TACSTD2: variants seen among roughly 807,000 people sequenced by gnomAD.
TACSTD2 encodes the protein tumor-associated calcium signal transducer 2.
Under a neutral mutation model 7.9 loss-of-function variants are expected in TACSTD2, and 6 were observed. That is an observed-to-expected ratio of 0.76 (90% CI 0.42 to 1.50). TACSTD2 has a LOEUF of 1.50. TACSTD2 is among the 40% of genes most tolerant of loss of function. TACSTD2 has a pLI of 0.01. For synonymous variants in TACSTD2, 220 were observed against 225.5 expected, an observed-to-expected ratio of 0.98 and a Z score of 0.22; for missense variants, 511 against 471.2, an observed-to-expected ratio of 1.08 and a Z score of -0.78.
Position 58,577,198 on chromosome 1 carries a change from C to A in TACSTD2, c.-42G>T. On this transcript the variant is annotated 5_prime_UTR_variant, in exon 1 of 1. Transcript: ENST00000371225. The stretch of plus-strand genomic sequence containing the variant: ...GCGGACCGGACGCGGGCGGATGAGG[C>A]GCGGGGACTCGTCGGGGCTCGGGCT... The A allele has an allele frequency of 7.5e-7, 1 of 1,330,822 alleles. No homozygotes were observed. The highest frequency in any genetic ancestry group is 9.5e-7 in the Non-Finnish European group (1 of 1,047,974). 82.4% of individuals were successfully genotyped at this position (1,330,822 alleles called of 1,614,324 possible).
Position 58,576,983 on chromosome 1 carries a change from C to G in TACSTD2, c.174G>C (p.Leu58=), listed in dbSNP as rs760045614. The G allele has an allele frequency of 3.2e-6, 5 of 1,575,428 alleles. No homozygotes were observed. The highest frequency in any genetic ancestry group is 2.7e-5 in the African/African-American group (2 of 74,236). The change falls in exon 1 of 1, where the codon CTG becomes CTC. Residue 58 remains leucine, a synonymous_variant. Coordinates refer to ENST00000371225, the MANE Select transcript of TACSTD2 (RefSeq NM_002353.3). The part of the protein sequence containing the change: ...GPGGRCQCRA[L]GSGMAVDCST... ...AGCAGTCGACCGCCATGCCCGAGCC[C>G]AGCGCGCGGCACTGGCAGCGGCCGC...
Position 58,576,448 on chromosome 1 carries a change from G to A in TACSTD2, c.709C>T (p.Gln237Ter), listed in dbSNP as rs1221933220. The A allele has an allele frequency of 6.2e-7, 1 of 1,613,804 alleles. No individual in the cohort carries two copies. Among genetic ancestry groups the A allele is most frequent in the African/African-American group, 1.3e-5 (1 of 74,940 alleles). Residue 237 changes from glutamine (Q) to a stop codon, truncating the protein, a stop_gained, in exon 1 of 1, where the codon CAG becomes TAG. Coordinates refer to ENST00000371225, the MANE Select transcript of TACSTD2 (RefSeq NM_002353.3). LOFTEE classifies it high-confidence loss of function. The part of the protein sequence containing the change: ...ERDIKGESLF[Q>*]GRGGLDLRVR... ...CGCAAGTCCAGGCCGCCGCGGCCCTGGAATAGAGACTCGCCCTTGATGTCC... is the reference window on the plus strand; with the variant it reads ...CGCAAGTCCAGGCCGCCGCGGCCCTAGAATAGAGACTCGCCCTTGATGTCC...
In TACSTD2 at chr1:58,576,019, G is replaced by A. The variant is rs7355042; in HGVS notation, c.*166C>T. 1,845 of 791,482 alleles carry A rather than the reference G, an allele frequency of 2.3e-3. 18 individuals are homozygous for A. The African/African-American group carries it at 0.026, about 11-fold the overall frequency. The allele number at this position is 791,482 out of a possible 1,614,324, so 49.0% of individuals were successfully genotyped here. ...AGTGAGAAAGAAAGGAGACCCTGAG[G>A]CCAGGATCTATTAAACCTGGTGTGT... On this transcript the variant is annotated 3_prime_UTR_variant, in exon 1 of 1. Transcript: ENST00000371225.
chr1:58,577,008 CCGGGGCCGT>C lies in TACSTD2; in HGVS notation c.140_148del (p.Asp47_Pro49del), dbSNP rs936464331. ...CAGCGCGCGGCACTGGCAGCGGCCG[CCGGGGCCGT>C]CGGGGCTGCACACGGTCATCTTGTT... On this transcript the variant is annotated inframe_deletion, in exon 1 of 1. Transcript: ENST00000371225. The C allele has an allele frequency of 1.6e-5, 25 of 1,562,322 alleles. No individual in the cohort carries two copies. The highest frequency in any genetic ancestry group is 1.9e-5 in the Non-Finnish European group (22 of 1,157,332).
rs780819073 is a variant in TACSTD2 at position 58,576,503 on chromosome 1, AT to A, written c.653del (p.Asp218ValfsTer53). 6.2e-6 allele frequency: 10 copies of A among 1,613,078 alleles called. No homozygotes were observed. Among genetic ancestry groups the A allele is most frequent in the African/African-American group, 2.7e-5 (2 of 74,912 alleles). ...CGAAGTAGTAGGCGGCATCGCCGAT[AT>A]CCACGTCACCGGCGGCCTTCTGAGA... Reference protein sequence around the residue: ...NTSQKAAGDVDIGDAAYYFER... With the variant: ...NTSQKAAGDVXIGDAAYYFER... On this transcript the variant is annotated frameshift_variant, in exon 1 of 1. Coordinates refer to ENST00000371225, the MANE Select transcript of TACSTD2 (RefSeq NM_002353.3). LOFTEE classifies it low-confidence loss of function (END_TRUNC).
chr1:58,576,161 C>G lies in TACSTD2; in HGVS notation c.*24G>C. The G allele has an allele frequency of 6.2e-7, 1 of 1,610,866 alleles. No homozygotes were observed. Among genetic ancestry groups the G allele is most frequent in the Non-Finnish European group, 8.5e-7 (1 of 1,178,716 alleles). ...ACGATACCGAAATCCGGTACCCCAC[C>G]CCATCCCCTGCCCCGCCGGGTACCT... is the stretch of plus-strand genomic sequence containing the variant. On this transcript the variant is annotated 3_prime_UTR_variant, in exon 1 of 1. Transcript: ENST00000371225.
chr1:58,576,156 C>T lies in TACSTD2; in HGVS notation c.*29G>A, dbSNP rs765560573. 1 of 1,608,616 alleles carries T rather than the reference C, an allele frequency of 6.2e-7. No homozygotes were observed. The highest frequency in any genetic ancestry group is 8.5e-7 in the Non-Finnish European group (1 of 1,177,736). ...CTGGGACGATACCGAAATCCGGTAC[C>T]CCACCCCATCCCCTGCCCCGCCGGG... On this transcript the variant is annotated 3_prime_UTR_variant, in exon 1 of 1. Coordinates refer to ENST00000371225, the MANE Select transcript of TACSTD2 (RefSeq NM_002353.3).
In TACSTD2 at chr1:58,576,431, C is replaced by T. The variant is rs1185724868; in HGVS notation, c.726G>A (p.Leu242=). Residue 242 remains leucine, a synonymous_variant, in exon 1 of 1, where the codon CTG becomes CTA. Transcript: ENST00000371225. ...GGGGTTCTCCGCGCACGCGCAAGTC[C>T]AGGCCGCCGCGGCCCTGGAATAGAG... ...GESLFQGRGG[L]DLRVRGEPLQ... The T allele has an allele frequency of 5.0e-6, 8 of 1,613,796 alleles. No individual in the cohort carries two copies. The highest frequency in any genetic ancestry group is 6.8e-6 in the Non-Finnish European group (8 of 1,179,924).
At position 58,575,983 on chromosome 1, in the gene TACSTD2, T is replaced by C. The variant is rs41313363; in HGVS notation, c.*202A>G. On this transcript the variant is annotated 3_prime_UTR_variant, in exon 1 of 1. Coordinates refer to ENST00000371225, the MANE Select transcript of TACSTD2 (RefSeq NM_002353.3). Reference sequence around the variant, plus strand: ...GGGGATACATTTTAGAAATGCTTCCTTCAAGACAGAAGTGAGAAAGAAAGG... The same window carrying C: ...GGGGATACATTTTAGAAATGCTTCCCTCAAGACAGAAGTGAGAAAGAAAGG... 0.15 allele frequency: 103,406 copies of C among 668,470 alleles called. 8,508 individuals are homozygous for C. The highest frequency in any genetic ancestry group is 0.17 in the Non-Finnish European group (70,887 of 405,546). 41.4% of individuals were successfully genotyped at this position (668,470 alleles called of 1,614,324 possible). A position where few individuals can be genotyped will look rare whatever the true frequency, so the allele number is the denominator to read the frequency against.
chr1:58,575,963 T>C lies in TACSTD2; in HGVS notation c.*222A>G, dbSNP rs986385991. The stretch of plus-strand genomic sequence containing the variant: ...TTCCTGTTGTTGGACCGAAAGGGGA[T>C]ACATTTTAGAAATGCTTCCTTCAAG... On this transcript the variant is annotated 3_prime_UTR_variant, in exon 1 of 1. Coordinates refer to ENST00000371225, the MANE Select transcript of TACSTD2 (RefSeq NM_002353.3). 3.3e-6 allele frequency: 2 copies of C among 602,736 alleles called. No individual in the cohort carries two copies. Among genetic ancestry groups the C allele is most frequent in the African/African-American group, 3.7e-5 (2 of 53,920 alleles). 37.3% of individuals were successfully genotyped at this position (602,736 alleles called of 1,614,324 possible).
chr1:58,576,694 G>T lies in TACSTD2; in HGVS notation c.463C>A (p.Leu155Ile). ...CDELVRTHHI[L>I]IDLRHRPTAG... ...GTGGGGCGGTGGCGCAGGTCAATGA[G>T]GATGTGGTGGGTGCGCACCAGCTCA... is the stretch of plus-strand genomic sequence containing the variant. The change falls in exon 1 of 1, where the codon CTC becomes ATC. Residue 155 changes from leucine (L) to isoleucine (I), a missense_variant. Leu to Ile is a conservative substitution (Grantham distance 5). Transcript: ENST00000371225. The T allele has an allele frequency of 6.2e-7, 1 of 1,601,918 alleles. No homozygotes were observed. The highest frequency in any genetic ancestry group is 8.5e-7 in the Non-Finnish European group (1 of 1,178,804).
In TACSTD2 at chr1:58,576,461, G is replaced by A. The variant is rs1188253978; in HGVS notation, c.696C>T (p.Gly232=). The A allele has an allele frequency of 1.9e-6, 3 of 1,613,734 alleles. No homozygotes were observed. Among genetic ancestry groups the A allele is most frequent in the Admixed American group, 3.3e-5 (2 of 59,986 alleles). ...AAYYFERDIK[G]ESLFQGRGGL... ...CGCCGCGGCCCTGGAATAGAGACTC[G>A]CCCTTGATGTCCCTCTCGAAGTAGT... is the stretch of plus-strand genomic sequence containing the variant. The change falls in exon 1 of 1, where the codon GGC becomes GGT. Residue 232 remains glycine, a synonymous_variant. Coordinates refer to ENST00000371225, the MANE Select transcript of TACSTD2 (RefSeq NM_002353.3).
Position 58,575,981 on chromosome 1 carries a change from C to G in TACSTD2, c.*204G>C. 1.5e-6 allele frequency: 1 copy of G among 646,862 alleles called. No homozygotes were observed. The highest frequency in any genetic ancestry group is 2.6e-6 in the Non-Finnish European group (1 of 389,356). 40.1% of individuals were successfully genotyped at this position (646,862 alleles called of 1,614,324 possible). On this transcript the variant is annotated 3_prime_UTR_variant, in exon 1 of 1. Coordinates refer to ENST00000371225, the MANE Select transcript of TACSTD2 (RefSeq NM_002353.3). ...AAGGGGATACATTTTAGAAATGCTT[C>G]CTTCAAGACAGAAGTGAGAAAGAAA...
chr1:58,576,300 AC>A lies in TACSTD2; in HGVS notation c.856del (p.Val286TrpfsTer11), dbSNP rs749879437. 6.2e-7 allele frequency: 1 copy of A among 1,613,292 alleles called. No individual in the cohort carries two copies. Among genetic ancestry groups the A allele is most frequent in the South Asian group, 1.1e-5 (1 of 90,926 alleles). Reference protein sequence around the residue: ...GLIAVIVVVVVALVAGMAVLV... With the variant: ...GLIAVIVVVVXALVAGMAVLV... Reference sequence around the variant, plus strand: ...GACGGCCATGCCGGCGACGAGGGCCACCACGACCACCACGATGACGGCGATG... The same window carrying A: ...GACGGCCATGCCGGCGACGAGGGCCACACGACCACCACGATGACGGCGATG... On this transcript the variant is annotated frameshift_variant, in exon 1 of 1. Coordinates refer to ENST00000371225, the MANE Select transcript of TACSTD2 (RefSeq NM_002353.3). LOFTEE classifies it high-confidence loss of function.
chr1:58,577,124 C>A lies in TACSTD2; in HGVS notation c.33G>T (p.Pro11=). Residue 11 remains proline (P), a synonymous_variant, in exon 1 of 1, where the codon CCG becomes CCT. Transcript: ENST00000371225. MARGPGLAPP[P]LRLPLLLLVL... ...CCAGCAGCAGCAGCGGCAGCCGCAG[C>A]GGTGGCGGCGCGAGGCCGGGGCCCC... is the stretch of plus-strand genomic sequence containing the variant. The A allele has an allele frequency of 1.4e-6, 2 of 1,402,854 alleles. No individual in the cohort carries two copies. Among genetic ancestry groups the A allele is most frequent in the South Asian group, 1.6e-5 (1 of 62,600 alleles). The allele number at this position is 1,402,854 out of a possible 1,614,324, so 86.9% of individuals were successfully genotyped here.
rs559053209 is a variant in TACSTD2, at chr1:58,576,609, C to A, written c.548G>T (p.Arg183Leu). ...DAELRRLFRE[R>L]YRLHPKFVAA... ...CACGAACTTGGGGTGCAGCCGATAG[C>A]GCTCGCGGAAGAGCCGCCTCAGCTC... Residue 183 changes from arginine to leucine, a missense_variant, in exon 1 of 1, where the codon CGC becomes CTC. Transcript: ENST00000371225. 2 of 1,611,782 alleles carry A rather than the reference C, an allele frequency of 1.2e-6. No individual in the cohort carries two copies. The highest frequency in any genetic ancestry group is 1.7e-6 in the Non-Finnish European group (2 of 1,179,304).
rs769459575 is a variant in TACSTD2, at chr1:58,576,501, A to G, written c.656T>C (p.Ile219Thr). ...CTCGAAGTAGTAGGCGGCATCGCCG[A>G]TATCCACGTCACCGGCGGCCTTCTG... The part of the protein sequence containing the change: ...TSQKAAGDVD[I>T]GDAAYYFERD... Residue 219 changes from isoleucine to threonine, a missense_variant, in exon 1 of 1, where the codon ATC becomes ACC. Physicochemically the swap from Ile to Thr is moderately conservative, Grantham distance 89. Transcript: ENST00000371225. The G allele has an allele frequency of 7.4e-6, 12 of 1,613,232 alleles. No homozygotes were observed. The highest frequency in any genetic ancestry group is 2.2e-5 in the East Asian group (1 of 44,854).
In TACSTD2 at chr1:58,577,113, G is replaced by A. The variant is rs1314353157; in HGVS notation, c.44C>T (p.Pro15Leu). The A allele has an allele frequency of 1.4e-6, 2 of 1,431,720 alleles. No homozygotes were observed. The highest frequency in any genetic ancestry group is 1.5e-5 in the African/African-American group (1 of 66,494). 88.7% of individuals were successfully genotyped at this position (1,431,720 alleles called of 1,614,324 possible). The change falls in exon 1 of 1, where the codon CCG (proline) becomes CTG (leucine). Residue 15 changes from proline to leucine, a missense_variant. Coordinates refer to ENST00000371225, the MANE Select transcript of TACSTD2 (RefSeq NM_002353.3). The part of the protein sequence containing the change: ...PGLAPPPLRL[P>L]LLLLVLAAVT... ...CGCCGCCAGCACCAGCAGCAGCAGCGGCAGCCGCAGCGGTGGCGGCGCGAG... is the reference window on the plus strand; with the variant it reads ...CGCCGCCAGCACCAGCAGCAGCAGCAGCAGCCGCAGCGGTGGCGGCGCGAG...
In TACSTD2 at chr1:58,576,345, T is replaced by C. The variant is rs141688844; in HGVS notation, c.812A>G (p.Lys271Arg). The C allele has an allele frequency of 9.3e-6, 15 of 1,613,116 alleles. No individual in the cohort carries two copies. In the African/African-American group the frequency reaches 2.0e-4, roughly 22 times the overall value. Residue 271 changes from lysine (K) to arginine (R), a missense_variant, in exon 1 of 1, where the codon AAG becomes AGG. Physicochemically the swap from Lys to Arg is conservative, Grantham distance 26. Coordinates refer to ENST00000371225, the MANE Select transcript of TACSTD2 (RefSeq NM_002353.3). ...LDEIPPKFSM[K>R]RLTAGLIAVI... The stretch of plus-strand genomic sequence containing the variant: ...GGCGATGAGGCCGGCGGTGAGGCGC[T>C]TCATGGAGAACTTCGGGGGAATCTC...
Sources: allele counts gnomAD v4.1 joint callset, GRCh38; gene constraint gnomAD v4.1.1; transcripts MANE v1.5; gene names NCBI Gene and HGNC (gene_info 2026-07-23, HGNC 2026-07-21).